The following FLNA variants were observed in gnomAD, a reference collection of about 807,000 sequenced individuals.
FLNA encodes the protein filamin-A.
In FLNA, 7 loss-of-function variants were observed where a neutral mutation model predicts 157.6. That is an observed-to-expected ratio of 0.04 (90% CI 0.03 to 0.08). The LOEUF is 0.08. Among genes scored for constraint, FLNA ranks in the 10% least tolerant of loss-of-function variants. FLNA has a pLI of 1.00. For missense variants in FLNA, 1,750 were observed against 2,398.4 expected (o/e 0.73, Z 5.65); for synonymous variants, 1,103 against 1,060.8 (o/e 1.04, Z -0.77).
chrX:154,357,763 A>G, intron 28 of FLNA, 140 bp from the exon 29 acceptor site: 3 of 579,696 alleles, frequency 5.2e-6, no homozygotes, highest in Non-Finnish European at 5.8e-6. Context: ...ATGGCCCAAA[A>G]GGGCTGCCTG....
intron 44 of FLNA, 24 bp downstream of exon 44, chrX:154,350,885 G>A (rs782698276): frequency 3.6e-5 from 43 of 1,205,727 alleles, no homozygotes; most frequent in Non-Finnish European, 4.5e-5. Context: ...AGGGCAGGGC[G>A]GCCGGGCAGG....
In FLNA at chrX:154,365,501, G is replaced by A. The variant is rs1557179021; in HGVS notation, c.1430-15C>T. ...CGGGTTACAGGCTGCAGGCAGAGGGGCCAGCTGAGCACCAGCAGCTCGGCT... is the reference window on the plus strand; with the variant it reads ...CGGGTTACAGGCTGCAGGCAGAGGGACCAGCTGAGCACCAGCAGCTCGGCT... On this transcript the variant is annotated splice_polypyrimidine_tract_variant and intron_variant, in intron 9 of 47. Transcript: ENST00000369850. 5 of 1,208,589 alleles carry A rather than the reference G, an allele frequency of 4.1e-6. No homozygotes were observed. The Admixed American group carries it at 8.7e-5, about 21-fold the overall frequency.
At chrX:154,368,286 C>G (rs1208879426) in intron 2 of FLNA, among the ~76,000 whole-genome samples, 196 bp from the exon 3 acceptor site, 1 of 111,259 alleles carries the variant, frequency 9.0e-6, no homozygotes, top group Non-Finnish European at 1.9e-5. Flanking sequence ...GTGAAGGAGA[C>G]TTTGGGGTGA....
intron 2 of FLNA, among the ~76,000 whole-genome samples, chrX:154,369,103 G>A (rs1460178997): frequency 8.9e-6 from 1 of 112,629 alleles, no homozygotes; most frequent in African/African-American, 3.2e-5. Context: ...TCAACTAGGG[G>A]GCGGGCCTAT....
At chrX:154,370,320 G>A (rs1557180069) in intron 2 of FLNA, among the ~76,000 whole-genome samples, 1 of 111,560 alleles carries the variant, frequency 9.0e-6, no homozygotes, top group East Asian at 2.8e-4. Context: ...CAGGTTGCCT[G>A]TGTGTGTGTG....
rs1557178046 is a variant in FLNA at position 154,361,555 on chromosome X, T to C, written c.2960A>G (p.Lys987Arg). The C allele has an allele frequency of 8.3e-7, 1 of 1,211,462 alleles. No homozygotes were observed. Among genetic ancestry groups the C allele is most frequent in the Admixed American group, 2.2e-5 (1 of 46,028 alleles). Reference protein sequence around the residue: ...SGLGEKVDVGKDQEFTVKSKG... With the variant: ...SGLGEKVDVGRDQEFTVKSKG... ...TGATTTGACTGTGAACTCCTGGTCT[T>C]TGCCAACGTCCACCTCTGTGGAAAC... Residue 987 changes from lysine to arginine, a missense_variant, in exon 21 of 48, where the codon AAA (lysine) becomes AGA (arginine). Physicochemically the swap from Lys to Arg is conservative, Grantham distance 26. Around this residue, in one of 5 missense-constraint regions of FLNA, gnomAD observed 648 missense variants for 805.8 expected, o/e 0.80. Coordinates refer to ENST00000369850, the MANE Select transcript of FLNA (RefSeq NM_001110556.2).
In FLNA at chrX:154,348,927, G is replaced by A. The variant is rs782023851; in HGVS notation, c.7866C>T (p.Asp2622=). The A allele has an allele frequency of 8.3e-7, 1 of 1,209,478 alleles. No individual in the cohort carries two copies. The highest frequency in any genetic ancestry group is 1.8e-5 in the South Asian group (1 of 56,862). ...RLYSVSYLLK[D]KGEYTLVVKW... is the part of the protein sequence containing the mutation. ...TGACCACCAGTGTGTACTCCCCCTT[G>A]TCCTTGAGCAGGTAGGACACGCTGT... is the stretch of plus-strand genomic sequence containing the variant. The change falls in exon 48 of 48, where the codon GAC becomes GAT. Residue 2622 remains aspartate (D), a synonymous_variant. Coordinates refer to ENST00000369850, the MANE Select transcript of FLNA (RefSeq NM_001110556.2).
At chrX:154,372,265 G>A (rs1489938179) in intron 1 of FLNA, among the ~76,000 whole-genome samples, 1 of 113,401 alleles carries the variant, frequency 8.8e-6, no homozygotes, top group Admixed American at 9.2e-5. Context: ...TTCACCCGGG[G>A]CACTGGGGGG....
At position 154,362,704 on chromosome X, in the gene FLNA, G is replaced by C. The variant is rs863223620; in HGVS notation, c.2361C>G (p.His787Gln). 2.5e-6 allele frequency: 3 copies of C among 1,208,851 alleles called. No individual in the cohort carries two copies. The African/African-American group carries it at 5.2e-5, about 21-fold the overall frequency. ...PGVAKTGLKAHEPTYFTVDCA... is the reference protein window; with the variant it reads ...PGVAKTGLKAQEPTYFTVDCA... ...AGTCCACAGTGAAGTAGGTGGGCTC[G>C]TGGGCCTTGAGCCCTGTCTTGGCTA... The change falls in exon 16 of 48, where the codon CAC (histidine) becomes CAG (glutamine). Residue 787 changes from histidine (H) to glutamine (Q), a missense_variant. By Grantham distance (24) the His-to-Gln change is conservative. Around this residue, in one of 5 missense-constraint regions of FLNA, gnomAD observed 648 missense variants for 805.8 expected, o/e 0.80. Transcript: ENST00000369850.
chrX:154,370,886 T>C lies in FLNA; in HGVS notation c.360A>G (p.Lys120=), dbSNP rs1471333204. 1.7e-6 allele frequency: 2 copies of C among 1,208,535 alleles called. No individual in the cohort carries two copies. Among genetic ancestry groups the C allele is most frequent in the Non-Finnish European group, 2.2e-6 (2 of 894,467 alleles). The part of the protein sequence containing the change: ...ALEFLDRESI[K]LVSIDSKAIV... The stretch of plus-strand genomic sequence containing the variant: ...GGCGTCCCTCACCGATGGACACCAG[T>C]TTGATGCTCTCGCGGTCCAGGAACT... The change falls in exon 2 of 48, where the codon AAA becomes AAG. Residue 120 remains lysine, a synonymous_variant. Coordinates refer to ENST00000369850, the MANE Select transcript of FLNA (RefSeq NM_001110556.2).
Position 154,349,555 on chromosome X carries a change from G to A in FLNA, c.7563C>T (p.Leu2521=), listed in dbSNP as rs782335342. ...PFKAKVTGPR[L]VSNHSLHETS... ...TCTCGTGGAGGCTGTGGTTGCTGAC[G>A]AGACGGGGGCCTGCAAGGCAGAGTG... The change falls in exon 47 of 48, where the codon CTC becomes CTT. Residue 2521 remains leucine, a synonymous_variant. Coordinates refer to ENST00000369850, the MANE Select transcript of FLNA (RefSeq NM_001110556.2). 15 of 1,211,354 alleles carry A rather than the reference G, an allele frequency of 1.2e-5. No individual in the cohort carries two copies. Among genetic ancestry groups the A allele is most frequent in the South Asian group, 5.3e-5 (3 of 56,987 alleles).
rs2067684082 is a variant in FLNA at position 154,359,075 on chromosome X, G to A, written c.4383C>T (p.Gly1461=). Residue 1461 remains glycine, a synonymous_variant, in exon 26 of 48, where the codon GGC becomes GGT. Transcript: ENST00000369850. ...ACTGAGGGAGGTTGGCACGAACCATGCCTGGGCTCAGGCCGGGCCCAGAGC... is the reference window on the plus strand; with the variant it reads ...ACTGAGGGAGGTTGGCACGAACCATACCTGGGCTCAGGCCGGGCCCAGAGC... ...VKCSGPGLSP[G]MVRANLPQSF... The A allele has an allele frequency of 8.3e-7, 1 of 1,211,158 alleles. No individual in the cohort carries two copies. The highest frequency in any genetic ancestry group is 1.8e-5 in the South Asian group (1 of 57,037).
At chrX:154,365,570 T>C (rs2067751897) in intron 9 of FLNA, 84 bp from the exon 10 acceptor site, 1 of 1,086,840 alleles carries the variant, frequency 9.2e-7, no homozygotes, top group Admixed American at 2.4e-5. Flanking sequence ...GCTGTCAGGA[T>C]TGGTGGGTCC....
At chrX:154,358,074 A>T (rs1224618790) in intron 28 of FLNA, 125 bp downstream of exon 28, 28 of 789,865 alleles carry the variant, frequency 3.5e-5, no homozygotes, top group Non-Finnish European at 4.5e-5. Context: ...AACCAAAGAC[A>T]GGGGCCCTGT....
Position 154,365,231 on chromosome X carries a change from G to A in FLNA, c.1596C>T (p.Asp532=). The A allele has an allele frequency of 8.3e-7, 1 of 1,211,767 alleles. No individual in the cohort carries two copies. The highest frequency in any genetic ancestry group is 1.7e-5 in the African/African-American group (1 of 57,951). ...CGAAGCCATACACGCCATCCCCCAG[G>A]TCCTTCTGCTTCACGCGCTCCTCTC... The part of the protein sequence containing the change: ...PKGEERVKQK[D]LGDGVYGFEY... The change falls in exon 11 of 48, where the codon GAC becomes GAT. Residue 532 remains aspartate (D), a synonymous_variant. Coordinates refer to ENST00000369850, the MANE Select transcript of FLNA (RefSeq NM_001110556.2).
rs782265007 is a variant in FLNA, at chrX:154,359,834, C to T, written c.3877G>A (p.Val1293Ile). Residue 1293 changes from valine (V) to isoleucine (I), a missense_variant, in exon 23 of 48, where the codon GTC (valine) becomes ATC (isoleucine). By Grantham distance (29) the Val-to-Ile change is conservative. Transcript: ENST00000369850. ...RALTQTGGPH[V>I]KARVANPSGN... The stretch of plus-strand genomic sequence containing the variant: ...GAGGGGTTGGCCACACGGGCCTTGA[C>T]GTGCGGCCCTCCGGTCTGTGTCAGA... 369 of 1,209,309 alleles carry T rather than the reference C, an allele frequency of 3.1e-4. 2 individuals carry two copies. In the South Asian group the frequency reaches 4.9e-3, roughly 16 times the overall value.
chrX:154,350,174 T>C lies in FLNA; in HGVS notation c.7190A>G (p.Asn2397Ser). ...CTTGACGTCAATCAGGTAAACGCCA[T>C]TCTCCCGAGGGATGAAGCGCACAGC... ...KYAVRFIPRE[N>S]GVYLIDVKFN... The change falls in exon 45 of 48, where the codon AAT becomes AGT. Residue 2397 changes from asparagine (N) to serine (S), a missense_variant. Coordinates refer to ENST00000369850, the MANE Select transcript of FLNA (RefSeq NM_001110556.2). The C allele has an allele frequency of 8.3e-7, 1 of 1,211,708 alleles. No individual in the cohort carries two copies. The highest frequency in any genetic ancestry group is 1.1e-6 in the Non-Finnish European group (1 of 895,397).
rs782498444 is a variant in FLNA at position 154,368,107 on chromosome X, G to A, written c.374-17C>T. The A allele has an allele frequency of 6.8e-5, 82 of 1,208,518 alleles. 1 individual carries two copies. In the South Asian group the frequency reaches 1.2e-3, roughly 18 times the overall value. On this transcript the variant is annotated splice_polypyrimidine_tract_variant and intron_variant, in intron 2 of 47. Coordinates refer to ENST00000369850, the MANE Select transcript of FLNA (RefSeq NM_001110556.2). ...CCTTGCTGTCTGTGAGTAGAAGAGT[G>A]GCCACGCTGGGCACACGGCTGTGCG... is the stretch of plus-strand genomic sequence containing the variant.
rs1372096781 is a variant in FLNA, at chrX:154,371,326, G to A, written c.-81C>T. 5 of 1,124,003 alleles carry A rather than the reference G, an allele frequency of 4.4e-6. No homozygotes were observed. Among genetic ancestry groups the A allele is most frequent in the Middle Eastern group, 3.3e-4 (1 of 3,026 alleles). 92.6% of individuals were successfully genotyped at this position (1,124,003 alleles called of 1,213,427 possible). The stretch of plus-strand genomic sequence containing the variant: ...CTTTAATTAAAGTCGCAGGCACCTA[G>A]GCGCGCGGGAGGCGAGGCAGGGAGC... On this transcript the variant is annotated 5_prime_UTR_variant, in exon 2 of 48. Coordinates refer to ENST00000369850, the MANE Select transcript of FLNA (RefSeq NM_001110556.2).
Sources: allele counts gnomAD v4.1 joint callset (sites outside exome capture counted in the v4.1 genomes callset), GRCh38; gene constraint gnomAD v4.1.1; regional missense constraint gnomAD v4.1.1; transcripts MANE v1.5; gene names NCBI Gene and HGNC (gene_info 2026-07-23, HGNC 2026-07-21).